Variants in PLEKHN1 observed in about 807,000 individuals in gnomAD.
PLEKHN1 encodes the protein pleckstrin homology domain containing N1, also known as pleckstrin homology domain-containing family N member 1.
Under a neutral mutation model 72.8 loss-of-function variants are expected in PLEKHN1, and 68 were observed. The observed-to-expected ratio is 0.93, with a 90% CI of 0.77 to 1.14. The LOEUF is 1.14. Ranked by LOEUF, PLEKHN1 falls within the 50% of genes most tolerant of loss-of-function variation. The pLI, the probability that PLEKHN1 is intolerant of heterozygous loss-of-function variation, is 0.00. For synonymous variants in PLEKHN1, 454 were observed against 371.6 expected (o/e 1.22, Z -2.55); for missense variants, 1,015 against 840.5 (o/e 1.21, Z -2.57).
In PLEKHN1 at chr1:972,075, G is replaced by C. The variant is rs1643359399; in HGVS notation, c.790G>C (p.Gly264Arg). Residue 264 changes from glycine to arginine, a missense_variant and splice_region_variant, in exon 9 of 16, where the codon GGG becomes CGG. Coordinates refer to ENST00000379410, the MANE Select transcript of PLEKHN1 (RefSeq NM_032129.3). ...CTGGCCCTCAATCTCTGCTCCGCAG[G>C]GGGAGCTCCCACTCCGTGCCGTCCA... ...SEELDGLCFK[G>R]ELPLRAVHIN... 1.2e-6 allele frequency: 2 copies of C among 1,612,688 alleles called. No homozygotes were observed. The highest frequency in any genetic ancestry group is 1.3e-5 in the African/African-American group (1 of 75,064).
rs1643424013 is a variant in PLEKHN1, at chr1:973,095, A to G, written c.1152+85A>G. The G allele has an allele frequency of 2.0e-6, 3 of 1,513,768 alleles. No homozygotes were observed. The South Asian group carries it at 3.8e-5, about 19-fold the overall frequency. 93.8% of individuals were successfully genotyped at this position (1,513,768 alleles called of 1,614,324 possible). ...TTGGGGACCCTGGTTCCTCAGGGGA[A>G]CTCAGACTGGAGGGAGCCCCTTGCA... On this transcript the variant is annotated intron_variant, in intron 11 of 15. Coordinates refer to ENST00000379410, the MANE Select transcript of PLEKHN1 (RefSeq NM_032129.3).
chr1:972,584 G>A (rs1245756763), intron 10 of PLEKHN1, among the ~76,000 whole-genome samples, 160 bp downstream of exon 10: 1 of 152,128 alleles, frequency 6.6e-6, no homozygotes, highest in African/African-American at 2.4e-5. Context: ...TGACCGACGT[G>A]GAGAAACCCT....
chr1:970,360 T>C lies in PLEKHN1; in HGVS notation c.267T>C (p.Pro89=). ...TCAAGAAGGGGCGGCGGAGGGTGCC[T>C]GTGAGGAACCTGGGAAAAGTTGTGC... ...SVFKKGRRRV[P]VRNLGKVVHY... is the part of the protein sequence containing the mutation. Residue 89 remains proline, a synonymous_variant, in exon 3 of 16, where the codon CCT becomes CCC. Coordinates refer to ENST00000379410, the MANE Select transcript of PLEKHN1 (RefSeq NM_032129.3). The surrounding 1 kb of genome is among the most constrained non-coding windows in gnomAD (Gnocchi z 4.2). 1 of 1,613,556 alleles carries C rather than the reference T, an allele frequency of 6.2e-7. No homozygotes were observed. The highest frequency in any genetic ancestry group is 1.1e-5 in the South Asian group (1 of 91,082).
At chr1:967,515 C>T (rs866646551) in intron 2 of PLEKHN1, among the ~76,000 whole-genome samples, 3 of 152,178 alleles carry the variant, frequency 2.0e-5, no homozygotes, top group South Asian at 2.1e-4. Flanking sequence ...ACTGCACCCC[C>T]GTCAGGCAGC....
At chr1:972,468 T>C (rs770139734) in intron 10 of PLEKHN1, 44 bp downstream of exon 10, 2 of 1,507,258 alleles carry the variant, frequency 1.3e-6, no homozygotes, top group Non-Finnish European at 1.8e-6. Flanking sequence ...TGGGCAGTGG[T>C]AAAAAGGGGG....
At chr1:974,200 G>A (rs1643498690) in intron 14 of PLEKHN1, 116 bp from the exon 15 acceptor site, 2 of 1,536,320 alleles carry the variant, frequency 1.3e-6, no homozygotes. Context: ...GAGTTGGGGA[G>A]ATGGGACTGG....
chr1:969,714 G>A (rs1436271130), intron 2 of PLEKHN1, among the ~76,000 whole-genome samples: 11 of 151,884 alleles, frequency 7.2e-5, no homozygotes, highest in African/African-American at 1.5e-4. Context: ...GTGTGTTCCC[G>A]TGTGTATGCA....
chr1:971,303 A>ACCCCCCCCCC, intron 7 of PLEKHN1, 21 bp from the exon 8 acceptor site: 26 of 1,495,288 alleles, frequency 1.7e-5, no homozygotes, highest in Admixed American at 9.4e-5. Flanking sequence ...TCATCGCCTG[A>ACCCCCCCCCC]CCCCACCCCC....
Position 970,261 on chromosome 1 carries a change from G to A in PLEKHN1, c.184-16G>A. 2 of 1,611,894 alleles carry A rather than the reference G, an allele frequency of 1.2e-6. No individual in the cohort carries two copies. Among genetic ancestry groups the A allele is most frequent in the Non-Finnish European group, 1.7e-6 (2 of 1,179,364 alleles). ...GCCCAGGGGAGGCCCCCTCCCCTGA[G>A]CTCTACTCCTCCTAGGACATCCTGG... is the stretch of plus-strand genomic sequence containing the variant. On this transcript the variant is annotated splice_polypyrimidine_tract_variant and intron_variant, in intron 2 of 15. Coordinates refer to ENST00000379410, the MANE Select transcript of PLEKHN1 (RefSeq NM_032129.3). The surrounding 1 kb of genome is among the most constrained non-coding windows in gnomAD (Gnocchi z 4.2).
rs367654022 is a variant in PLEKHN1, at chr1:969,620, CTG to C, written c.184-653_184-652del. Among the ~76,000 whole-genome samples the C allele has an allele frequency of 3.5e-3, 519 of 149,628 alleles. 5 individuals are homozygous for C. Among genetic ancestry groups the C allele is most frequent in the African/African-American group, 0.011 (454 of 40,302 alleles). ...TGCATGTATGCACGTGTGTGCATAT[CTG>C]TGTATGTGCAACTGTGTATGTGTGC... On this transcript the variant is annotated intron_variant, in intron 2 of 15. Coordinates refer to ENST00000379410, the MANE Select transcript of PLEKHN1 (RefSeq NM_032129.3).
At chr1:973,062 G>A (rs891723864) in intron 11 of PLEKHN1, 52 bp downstream of exon 11, 2 of 1,557,140 alleles carry the variant, frequency 1.3e-6, no homozygotes, top group South Asian at 1.2e-5. Context: ...CTGTCGGGTA[G>A]GTGTGTGTTG....
In PLEKHN1 at chr1:973,284, G is replaced by A. The variant is rs1428708712; in HGVS notation, c.1251G>A (p.Glu417=). The A allele has an allele frequency of 1.3e-6, 2 of 1,542,134 alleles. No individual in the cohort carries two copies. The highest frequency in any genetic ancestry group is 1.4e-5 in the African/African-American group (1 of 73,060). ...SRSPGSKARA[E]GRGPVTPLHL... ...CACCCGGGAGCAAGGCCCGGGCAGA[G>A]GGCCGCGGCCCTGTCACCCCACTGC... is the stretch of plus-strand genomic sequence containing the variant. The change falls in exon 12 of 16, where the codon GAG becomes GAA. Residue 417 remains glutamate, a synonymous_variant. Coordinates refer to ENST00000379410, the MANE Select transcript of PLEKHN1 (RefSeq NM_032129.3).
chr1:970,551 C>T lies in PLEKHN1; in HGVS notation c.361C>T (p.Pro121Ser). 6.2e-7 allele frequency: 1 copy of T among 1,613,122 alleles called. No individual in the cohort carries two copies. Among genetic ancestry groups the T allele is most frequent in the Non-Finnish European group, 8.5e-7 (1 of 1,179,964 alleles). Reference protein sequence around the residue: ...DVSDCYLELFPAHLYFQAHGS... With the variant: ...DVSDCYLELFSAHLYFQAHGS... The stretch of plus-strand genomic sequence containing the variant: ...CAGCGACTGCTACCTGGAGCTATTC[C>T]CCGCCCACCTGTACTTCCAGGCCCA... The change falls in exon 4 of 16, where the codon CCC (proline) becomes TCC (serine). Residue 121 changes from proline (P) to serine (S), a missense_variant. By Grantham distance (74) the Pro-to-Ser change is moderately conservative (BLOSUM62 -1). Transcript: ENST00000379410. This position sits in a 1 kb window ranked among gnomAD's most constrained non-coding sequence, Gnocchi z 4.2.
chr1:969,956 G>A (rs1472686306), intron 2 of PLEKHN1, among the ~76,000 whole-genome samples: 2 of 152,226 alleles, frequency 1.3e-5, no homozygotes, highest in African/African-American at 4.8e-5. Context: ...AAGGCTGAGT[G>A]TGCAGGTTCT....
intron 10 of PLEKHN1, 26 bp downstream of exon 10, chr1:972,450 C>T: frequency 6.5e-7 from 1 of 1,541,516 alleles, no homozygotes; most frequent in South Asian, 1.2e-5. Flanking sequence ...GCCCCACAGC[C>T]CAGGTCCTGG....
At position 970,179 on chromosome 1, in the gene PLEKHN1, C is replaced by G. The variant is rs555074171; in HGVS notation, c.184-98C>G. On this transcript the variant is annotated intron_variant, in intron 2 of 15. Coordinates refer to ENST00000379410, the MANE Select transcript of PLEKHN1 (RefSeq NM_032129.3). The surrounding 1 kb of genome is among the most constrained non-coding windows in gnomAD (Gnocchi z 4.2). ...CACATATGTGTTGTGTGGCTATGCA[C>G]AGGCAGACCATGCTATAGTCCTGTA... 2.2e-6 allele frequency: 3 copies of G among 1,371,026 alleles called. No individual in the cohort carries two copies. Among genetic ancestry groups the G allele is most frequent in the African/African-American group, 1.5e-5 (1 of 68,450 alleles). The allele number at this position is 1,371,026 out of a possible 1,614,324, so 84.9% of individuals were successfully genotyped here.
chr1:970,965 C>T lies in PLEKHN1; in HGVS notation c.571C>T (p.Leu191Phe). Residue 191 changes from leucine (L) to phenylalanine (F), a missense_variant, in exon 6 of 16, where the codon CTC becomes TTC. Coordinates refer to ENST00000379410, the MANE Select transcript of PLEKHN1 (RefSeq NM_032129.3). The surrounding 1 kb of genome is among the most constrained non-coding windows in gnomAD (Gnocchi z 4.2). ...TTACCACCTGGAGAAGCAGACGGCCCTCCTCGGGGGGCCGCGGCGCTGCCA... is the reference window on the plus strand; with the variant it reads ...TTACCACCTGGAGAAGCAGACGGCCTTCCTCGGGGGGCCGCGGCGCTGCCA... ...WLYHLEKQTA[L>F]LGGPRRCHSA... is the part of the protein sequence containing the mutation. 1 of 1,607,556 alleles carries T rather than the reference C, an allele frequency of 6.2e-7. No individual in the cohort carries two copies. The highest frequency in any genetic ancestry group is 2.2e-5 in the East Asian group (1 of 44,676).
rs370727692 is a variant in PLEKHN1 at position 971,270 on chromosome 1, G to A, written c.709-54G>A. On this transcript the variant is annotated intron_variant, in intron 7 of 15. Transcript: ENST00000379410. ...AGGGGTGCATGGTGGTGGGCAGGGCGGTGCAACAGCAGCTCAGTTCCCTCA... is the reference window on the plus strand; with the variant it reads ...AGGGGTGCATGGTGGTGGGCAGGGCAGTGCAACAGCAGCTCAGTTCCCTCA... The A allele has an allele frequency of 1.4e-4, 212 of 1,555,196 alleles. 1 individual carries two copies. Among genetic ancestry groups the A allele is most frequent in the East Asian group, 3.1e-4 (13 of 41,492 alleles).
rs566509985 is a variant in PLEKHN1, at chr1:971,377, C to T, written c.762C>T (p.Ser254=). Reference sequence around the variant, plus strand: ...ACCCAACGTCCTTGGCCATTTTCTCCGAGGAGCTGGACGGGCTTTGCTTCA... The same window carrying T: ...ACCCAACGTCCTTGGCCATTTTCTCTGAGGAGCTGGACGGGCTTTGCTTCA... ...VLYPTSLAIF[S]EELDGLCFKG... is the part of the protein sequence containing the mutation. The change falls in exon 8 of 16, where the codon TCC becomes TCT. Residue 254 remains serine, a synonymous_variant. Coordinates refer to ENST00000379410, the MANE Select transcript of PLEKHN1 (RefSeq NM_032129.3). 1.1e-4 allele frequency: 169 copies of T among 1,590,228 alleles called. No individual in the cohort carries two copies. The highest frequency in any genetic ancestry group is 2.1e-4 in the Middle Eastern group (1 of 4,730).
Sources: allele counts gnomAD v4.1 joint callset (sites outside exome capture counted in the v4.1 genomes callset), GRCh38; gene constraint gnomAD v4.1.1; non-coding constraint Gnocchi (gnomAD v3.1); transcripts MANE v1.5; gene names NCBI Gene and HGNC (gene_info 2026-07-23, HGNC 2026-07-21).